Variants in CFAP69 observed in about 807,000 individuals in gnomAD.
CFAP69 encodes the protein cilia- and flagella-associated protein 69.
A neutral mutation model predicts 123.0 loss-of-function variants in CFAP69; 92 were observed. The observed-to-expected ratio is 0.75, with a 90% CI of 0.63 to 0.89. The LOEUF (loss-of-function observed/expected upper bound fraction) is 0.89. Among genes scored for constraint, CFAP69 ranks in the 40% least tolerant of loss-of-function variants. CFAP69 has a pLI of 0.00. For missense variants in CFAP69, 1,067 were observed against 1,096.9 expected (o/e 0.97, Z 0.39); for synonymous variants, 380 against 364.3 (o/e 1.04, Z -0.49).
chr7:90,279,054 C>T (rs146435670), intron 11 of CFAP69, among the ~76,000 whole-genome samples: 24 of 152,164 alleles, frequency 1.6e-4, no homozygotes, highest in African/African-American at 5.8e-4. Context: ...AATAGCTATG[C>T]ATTTTAATCT....
intron 16 of CFAP69, among the ~76,000 whole-genome samples, chr7:90,299,551 C>T (rs556136069): frequency 6.6e-6 from 1 of 152,180 alleles, no homozygotes; most frequent in Non-Finnish European, 1.5e-5. Flanking sequence ...TATCGAGCTT[C>T]GCCACTTAAA....
the CFAP69 span, chr7:90,322,623 G>T: frequency 6.6e-6 from 1 of 152,152 alleles, no homozygotes; most frequent in African/African-American, 2.4e-5. Flanking sequence ...TTTTTTGAAA[G>T]ATATACTTTA....
intron 3 of CFAP69, among the ~76,000 whole-genome samples, chr7:90,260,297 A>C (rs1016820166): frequency 2.6e-5 from 4 of 152,044 alleles, no homozygotes; most frequent in African/African-American, 9.7e-5. Flanking sequence ...AGTCTGAGGC[A>C]GGAGGATCAT....
intron 12 of CFAP69, among the ~76,000 whole-genome samples, chr7:90,281,620 A>G (rs1013746897): frequency 1.3e-5 from 2 of 152,214 alleles, no homozygotes; most frequent in African/African-American, 4.8e-5. Context: ...GTAATAAATT[A>G]AAGATGTAAA....
intron 6 of CFAP69, among the ~76,000 whole-genome samples, chr7:90,271,186 C>A (rs1443638810): frequency 6.6e-6 from 1 of 152,042 alleles, no homozygotes; most frequent in Non-Finnish European, 1.5e-5. Flanking sequence ...CAGGGATCAG[C>A]AAACTCTGGG....
At chr7:90,315,070 G>A (rs1383183893), downstream of CFAP69, among the ~76,000 whole-genome samples, 2 of 149,124 alleles carry the variant, frequency 1.3e-5, no homozygotes, top group Non-Finnish European at 2.9e-5. Flanking sequence ...TCTCACACCA[G>A]TCAGAATGAC....
In CFAP69 at chr7:90,277,317, G is replaced by T; in HGVS notation, c.1138G>T (p.Asp380Tyr). The T allele has an allele frequency of 6.4e-7, 1 of 1,571,608 alleles. No homozygotes were observed. Among genetic ancestry groups the T allele is most frequent in the South Asian group, 1.2e-5 (1 of 83,452 alleles). ...CAACGTAATTGTGATCTTATGTAAA[G>T]ATTTACCTACTGTACAGGTAAAGAG... ...LFNVIVILCK[D>Y]LPTVQLLIDG... Residue 380 changes from aspartate (D) to tyrosine (Y), a missense_variant, in exon 11 of 23, where the codon GAT becomes TAT. By Grantham distance (160) the Asp-to-Tyr change is radical. Coordinates refer to ENST00000389297, the MANE Select transcript of CFAP69 (RefSeq NM_001039706.3).
At chr7:90,281,983 G>A (rs1425068820) in intron 12 of CFAP69, among the ~76,000 whole-genome samples, 1 of 152,076 alleles carries the variant, frequency 6.6e-6, no homozygotes, top group Non-Finnish European at 1.5e-5. Flanking sequence ...AAAAAACATT[G>A]AAAAACTCTA....
At chr7:90,252,195 C>T (rs900935578) in intron 1 of CFAP69, among the ~76,000 whole-genome samples, 4 of 150,990 alleles carry the variant, frequency 2.6e-5, no homozygotes, top group Non-Finnish European at 5.9e-5. Context: ...GAAAAGACAG[C>T]TGAGGTAGTG....
rs149958898 is a variant in CFAP69, at chr7:90,309,314, C to T, written c.2602C>T (p.Arg868Ter). ...KAIEASRYHK[R>*]PQNAIFHQTH... ...TATAGAAGCCTCCAGATACCATAAA[C>T]GACCACAAAATGCAATATTTCACCA... Residue 868 changes from arginine (R) to a stop codon, truncating the protein, a stop_gained, in exon 22 of 23, where the codon CGA becomes TGA. Coordinates refer to ENST00000389297, the MANE Select transcript of CFAP69 (RefSeq NM_001039706.3). LOFTEE classifies it high-confidence loss of function. 1.1e-4 allele frequency: 167 copies of T among 1,588,808 alleles called. No homozygotes were observed. Among genetic ancestry groups the T allele is most frequent in the African/African-American group, 9.5e-5 (7 of 74,070 alleles).
rs1038810045 is a variant in CFAP69 at position 90,310,713 on chromosome 7, G to A, written c.*475G>A. On this transcript the variant is annotated 3_prime_UTR_variant, in exon 23 of 23. Transcript: ENST00000389297. ...CTGTGTCTCTGTGGTTTCTGCAGCT[G>A]CCTATGCATCTCAGGACCCCTGATT... 1 of 152,612 alleles carries A rather than the reference G, an allele frequency of 6.6e-6. No individual in the cohort carries two copies. Among genetic ancestry groups the A allele is most frequent in the Non-Finnish European group, 1.5e-5 (1 of 68,456 alleles). 9.5% of individuals were successfully genotyped at this position (152,612 alleles called of 1,614,324 possible). A position where few individuals can be genotyped will look rare whatever the true frequency, so the allele number is the denominator to read the frequency against.
intron 4 of CFAP69, among the ~76,000 whole-genome samples, chr7:90,264,984 G>T (rs1344008101): frequency 2.0e-5 from 3 of 151,932 alleles, no homozygotes; most frequent in Non-Finnish European, 2.9e-5. Flanking sequence ...AGAAGAGACG[G>T]AATTTCACCA....
chr7:90,274,235 T>C (rs1800407798), intron 9 of CFAP69, 125 bp downstream of exon 9: 9 of 1,166,278 alleles, frequency 7.7e-6, no homozygotes. Flanking sequence ...TGTAATATCT[T>C]GATGGTCACC....
chr7:90,277,095 T>G lies in CFAP69; in HGVS notation c.1007T>G (p.Leu336Trp). 1 of 1,574,566 alleles carries G rather than the reference T, an allele frequency of 6.4e-7. No homozygotes were observed. The highest frequency in any genetic ancestry group is 8.6e-7 in the Non-Finnish European group (1 of 1,159,662). The change falls in exon 10 of 23, where the codon TTG becomes TGG. Residue 336 changes from leucine (L) to tryptophan (W), a missense_variant. Leu to Trp is a moderately conservative substitution (Grantham distance 61). Coordinates refer to ENST00000389297, the MANE Select transcript of CFAP69 (RefSeq NM_001039706.3). ...TAGGAATGTGGCTTTACCAAGGATT[T>G]GATACTGTTTGCCACCTTTAATGAA... ...PMIECGFTKD[L>W]ILFATFNEVK...
chr7:90,307,104 C>A lies in CFAP69; in HGVS notation c.2463+6C>A. 2 of 1,606,606 alleles carry A rather than the reference C, an allele frequency of 1.2e-6. No homozygotes were observed. Among genetic ancestry groups the A allele is most frequent in the Non-Finnish European group, 1.7e-6 (2 of 1,176,688 alleles). ...AACAAAAAGTATATGCAAAAGTAAG[C>A]TACATAGGTAGTGAGGAGGGAGAAT... On this transcript the variant is annotated splice_donor_region_variant and intron_variant, in intron 20 of 22. Coordinates refer to ENST00000389297, the MANE Select transcript of CFAP69 (RefSeq NM_001039706.3).
At chr7:90,260,811 T>C (rs1333278806) in intron 3 of CFAP69, among the ~76,000 whole-genome samples, 1 of 151,986 alleles carries the variant, frequency 6.6e-6, no homozygotes. Context: ...TGTTAAACCG[T>C]TGGTGGCAAT....
chr7:90,265,322 A>G lies in CFAP69; in HGVS notation c.378A>G (p.Lys126=). 1.2e-6 allele frequency: 2 copies of G among 1,610,882 alleles called. No homozygotes were observed. Among genetic ancestry groups the G allele is most frequent in the Non-Finnish European group, 1.7e-6 (2 of 1,178,108 alleles). ...KLCGLPFLKK[K]VSDEITYAED... ...GAAGCTTGCCATTTTTGAAAAAGAAAGTGTCGGATGAAATAACTTATGCTG... is the reference window on the plus strand; with the variant it reads ...GAAGCTTGCCATTTTTGAAAAAGAAGGTGTCGGATGAAATAACTTATGCTG... The change falls in exon 5 of 23, where the codon AAA becomes AAG. Residue 126 remains lysine, a synonymous_variant. Transcript: ENST00000389297.
At chr7:90,259,704 T>C (rs985170975) in intron 3 of CFAP69, among the ~76,000 whole-genome samples, 3 of 152,108 alleles carry the variant, frequency 2.0e-5, no homozygotes, top group African/African-American at 7.2e-5. Context: ...CAGGTTGGTC[T>C]CAAATTCCTC....
At chr7:90,308,782 G>A (rs996542159) in intron 21 of CFAP69, among the ~76,000 whole-genome samples, 2 of 152,084 alleles carry the variant, frequency 1.3e-5, no homozygotes, top group Admixed American at 6.5e-5. Context: ...CTTGTTTAGT[G>A]TAGCAAATAC....
Sources: allele counts gnomAD v4.1 joint callset (sites outside exome capture counted in the v4.1 genomes callset), GRCh38; gene constraint gnomAD v4.1.1; transcripts MANE v1.5; gene names NCBI Gene and HGNC (gene_info 2026-07-23, HGNC 2026-07-21).